The following ARHGEF11 variants were observed in gnomAD, a reference collection of about 807,000 sequenced individuals.
ARHGEF11 encodes Rho guanine nucleotide exchange factor 11.
ARHGEF11 carries 55 observed loss-of-function variants against 193.7 expected under a neutral mutation model. The ratio of observed to expected loss-of-function variants is 0.28; its 90% CI spans 0.23 to 0.36. The LOEUF is 0.36. ARHGEF11 is among the 10% of genes least tolerant of loss of function. The probability of loss-of-function intolerance (pLI) is 1.00; values close to 1 mark genes in which losing one functional copy is unlikely to be tolerated. For synonymous variants in ARHGEF11, 693 were observed against 768.0 expected, an observed-to-expected ratio of 0.90 and a Z score of 1.62; for missense variants, 1,723 against 2,005.6, an observed-to-expected ratio of 0.86 and a Z score of 2.69.
rs748136738 is a variant in ARHGEF11, at chr1:156,944,333, TCAGTCC to T, written c.3067+19_3067+24del. The T allele has an allele frequency of 8.2e-4, 1,328 of 1,612,686 alleles. 1 individual carries two copies. The highest frequency in any genetic ancestry group is 9.8e-4 in the Non-Finnish European group (1,153 of 1,178,856). On this transcript the variant is annotated intron_variant, in intron 31 of 40. Coordinates refer to ENST00000368194, the MANE Select transcript of ARHGEF11 (RefSeq NM_198236.3). ...AGGCCCACCCACTACAGGTTCCTGC[TCAGTCC>T]CAGTCCCCTGGCACATACCCAAGGT...
intron 3 of ARHGEF11, 34 bp downstream of exon 3, chr1:156,984,305 T>C (rs753089747): frequency 1.3e-6 from 2 of 1,522,146 alleles, no homozygotes; most frequent in Non-Finnish European, 1.8e-6. Context: ...TTGCAAGAAC[T>C]GTCCACCGTG....
intron 1 of ARHGEF11, among the ~76,000 whole-genome samples, chr1:157,035,049 A>T (rs1403891646): frequency 6.6e-6 from 1 of 152,190 alleles, no homozygotes; most frequent in African/African-American, 2.4e-5. Flanking sequence ...AGGGTACAGT[A>T]ATGAGACCTA....
chr1:156,937,621 A>G, intron 38 of ARHGEF11, 125 bp from the exon 39 acceptor site: 1 of 1,057,260 alleles, frequency 9.5e-7, no homozygotes, highest in Non-Finnish European at 1.3e-6. Context: ...AGACAAACTC[A>G]GAGAACGTGG....
rs767561556 is a variant in ARHGEF11 at position 156,971,746 on chromosome 1, C to T, written c.653G>A (p.Arg218Gln). The change falls in exon 8 of 41, where the codon CGA becomes CAA. Residue 218 changes from arginine (R) to glutamine (Q), a missense_variant. Around this residue, in one of 5 missense-constraint regions of ARHGEF11, gnomAD observed 646 missense variants for 710.7 expected, o/e 0.91. Transcript: ENST00000368194. ...LEEQIEGARR[R>Q]VTQLQLKIQQ... ...GATCTTCAGCTGTAACTGAGTGACT[C>T]GCCGCCGGGCACCTTCGATCTGCTC... 11 of 1,613,910 alleles carry T rather than the reference C, an allele frequency of 6.8e-6. No individual in the cohort carries two copies. In the African/African-American group the frequency reaches 8.0e-5, roughly 12 times the overall value.
At position 156,978,402 on chromosome 1, in the gene ARHGEF11, G is replaced by A; in HGVS notation, c.332-20C>T. On this transcript the variant is annotated intron_variant, in intron 5 of 40. Transcript: ENST00000368194. ...CGCCAGCTAGAGGGAAACAGAGAGA[G>A]ACTTGTTCCAGGAGTGCTGTTCTGG... 1 of 1,570,268 alleles carries A rather than the reference G, an allele frequency of 6.4e-7. No individual in the cohort carries two copies. The highest frequency in any genetic ancestry group is 8.6e-7 in the Non-Finnish European group (1 of 1,159,768).
chr1:157,023,377 C>T (rs927822872), intron 1 of ARHGEF11, among the ~76,000 whole-genome samples: 2 of 152,092 alleles, frequency 1.3e-5, no homozygotes, highest in Non-Finnish European at 2.9e-5. Flanking sequence ...GACCAATAAG[C>T]ACATAAAAAG....
intron 1 of ARHGEF11, among the ~76,000 whole-genome samples, chr1:157,028,294 C>T (rs1670896653): frequency 6.6e-6 from 1 of 152,172 alleles, no homozygotes; most frequent in Non-Finnish European, 1.5e-5. Flanking sequence ...ATAATAATAG[C>T]TGACATTTAT....
intron 30 of ARHGEF11, 79 bp downstream of exon 30, chr1:156,944,940 C>G: frequency 6.5e-7 from 1 of 1,534,758 alleles, no homozygotes; most frequent in Non-Finnish European, 8.7e-7. Flanking sequence ...CTAAGACTCT[C>G]CAAGCCCTGA....
At chr1:156,936,497 AATATATATAT>A (rs1553192804) in intron 40 of ARHGEF11, among the ~76,000 whole-genome samples, 15 of 33,938 alleles carry the variant, frequency 4.4e-4, no homozygotes, top group African/African-American at 1.8e-3. Flanking sequence ...AAAAAAAAAA[AATATATATAT>A]ATATATATAT....
Position 156,971,728 on chromosome 1 carries a change from A to G in ARHGEF11, c.671T>C (p.Leu224Pro). The change falls in exon 8 of 41, where the codon CTG becomes CCG. Residue 224 changes from leucine to proline, a missense_variant. Physicochemically the swap from Leu to Pro is moderately conservative, Grantham distance 98. Around this residue, in one of 5 missense-constraint regions of ARHGEF11, gnomAD observed 646 missense variants for 710.7 expected, o/e 0.91. Coordinates refer to ENST00000368194, the MANE Select transcript of ARHGEF11 (RefSeq NM_198236.3). ...GARRRVTQLQ[L>P]KIQQETGGSV... ...GCCACCAGTCTCCTGCTGGATCTTC[A>G]GCTGTAACTGAGTGACTCGCCGCCG... The G allele has an allele frequency of 1.2e-6, 2 of 1,613,938 alleles. No individual in the cohort carries two copies. The highest frequency in any genetic ancestry group is 1.7e-6 in the Non-Finnish European group (2 of 1,179,992).
At chr1:156,949,310 G>A (rs1385661684) in intron 22 of ARHGEF11, among the ~76,000 whole-genome samples, 1 of 152,152 alleles carries the variant, frequency 6.6e-6, no homozygotes, top group East Asian at 1.9e-4. Context: ...GCCCAAGACA[G>A]CTGGCACCTC....
chr1:156,938,483 G>A lies in ARHGEF11; in HGVS notation c.4127C>T (p.Ala1376Val), dbSNP rs931785780. The change falls in exon 38 of 41, where the codon GCA (alanine) becomes GTA (valine). Residue 1376 changes from alanine (A) to valine (V), a missense_variant. Physicochemically the swap from Ala to Val is moderately conservative, Grantham distance 64. Transcript: ENST00000368194. The part of the protein sequence containing the change: ...AEVAGSKVVP[A>V]LPESGQSEPG... ...CTCTGACTGGCCACTCTCTGGTAGT[G>A]CAGGGACAACCTTGCTGCCTGCCAC... is the stretch of plus-strand genomic sequence containing the variant. 6.2e-7 allele frequency: 1 copy of A among 1,613,654 alleles called. No individual in the cohort carries two copies.
chr1:156,968,707 T>C (rs1662080205), intron 10 of ARHGEF11, among the ~76,000 whole-genome samples: 1 of 152,256 alleles, frequency 6.6e-6, no homozygotes. Context: ...CTAACTTCAT[T>C]ACTACTTCTT....
At chr1:156,966,857 T>C (rs1487263697) in intron 11 of ARHGEF11, among the ~76,000 whole-genome samples, 2 of 152,340 alleles carry the variant, frequency 1.3e-5, no homozygotes, top group Middle Eastern at 3.4e-3. Flanking sequence ...TTTTAAATTT[T>C]ATCTCTACTT....
intron 8 of ARHGEF11, among the ~76,000 whole-genome samples, chr1:156,971,242 G>A (rs1165039587): frequency 1.3e-5 from 2 of 152,140 alleles, no homozygotes; most frequent in African/African-American, 4.8e-5. Context: ...AACAGACTGG[G>A]GGTCTTTTAT....
Position 157,045,160 on chromosome 1 carries a change from C to T in ARHGEF11, c.-830G>A, listed in dbSNP as rs963660565. On this transcript the variant is annotated 5_prime_UTR_variant, in exon 1 of 41. Transcript: ENST00000368194. ...TTAAGATGGTAGTAATGATAACAAACCAGAGATAATCTCTGAAAATATTCT... is the reference window on the plus strand; with the variant it reads ...TTAAGATGGTAGTAATGATAACAAATCAGAGATAATCTCTGAAAATATTCT... 28 of 152,254 alleles carry T rather than the reference C, an allele frequency of 1.8e-4. No homozygotes were observed. Among genetic ancestry groups the T allele is most frequent in the African/African-American group, 6.3e-4 (26 of 41,540 alleles). 9.4% of individuals were successfully genotyped at this position (152,254 alleles called of 1,614,324 possible). A position where few individuals can be genotyped will look rare whatever the true frequency, so the allele number is the denominator to read the frequency against.
At chr1:156,954,380 C>CAAAAAAAAAAAAAAA (rs559848711) in intron 21 of ARHGEF11, among the ~76,000 whole-genome samples, 2 of 75,162 alleles carry the variant, frequency 2.7e-5, no homozygotes, top group Non-Finnish European at 2.5e-5. Context: ...ACTGTGTCTC[C>CAAAAAAAAAAAAAAA]AAAAAAAAAA....
chr1:156,944,792 C>G lies in ARHGEF11; in HGVS notation c.2991+227G>C, dbSNP rs559440353. On this transcript the variant is annotated intron_variant, in intron 30 of 40. Transcript: ENST00000368194. ...CCAGTTCTACCCCATCCCCTGCTCT[C>G]TCAGGCTGAGTTCCAACATCTAGTC... Among the ~76,000 whole-genome samples, 6 of 152,364 alleles carry G rather than the reference C, an allele frequency of 3.9e-5. No individual in the cohort carries two copies. The South Asian group carries it at 1.2e-3, about 32-fold the overall frequency.
rs778918750 is a variant in ARHGEF11 at position 156,945,196 on chromosome 1, A to G, written c.2814T>C (p.Gly938=). The change falls in exon 30 of 41, where the codon GGT becomes GGC. Residue 938 remains glycine (G), a splice_region_variant and synonymous_variant. Transcript: ENST00000368194. The part of the protein sequence containing the change: ...LLESIIKHTE[G]GTSEHEKLCR... ...ACAGCTTCTCATGCTCAGAGGTGCC[A>G]CCTACCAAAATGGACAGAAGAGATG... is the stretch of plus-strand genomic sequence containing the variant. The G allele has an allele frequency of 1.9e-6, 3 of 1,613,466 alleles. No individual in the cohort carries two copies. Among genetic ancestry groups the G allele is most frequent in the Non-Finnish European group, 1.7e-6 (2 of 1,179,646 alleles).
Sources: allele counts gnomAD v4.1 joint callset (sites outside exome capture counted in the v4.1 genomes callset), GRCh38; gene constraint gnomAD v4.1.1; regional missense constraint gnomAD v4.1.1; transcripts MANE v1.5; gene names NCBI Gene and HGNC (gene_info 2026-07-23, HGNC 2026-07-21).